The following GFRAL variants were observed in gnomAD, a reference collection of about 807,000 sequenced individuals.
GFRAL encodes GDNF family receptor alpha like.
GFRAL carries 36 observed loss-of-function variants against 45.4 expected under a neutral mutation model. That is an observed-to-expected ratio of 0.79 (90% CI 0.61 to 1.05). The LOEUF (loss-of-function observed/expected upper bound fraction) is 1.05. Ranked by LOEUF, GFRAL falls within the 50% of genes least tolerant of loss-of-function variation. The probability of loss-of-function intolerance (pLI) is 0.00; values close to 1 mark genes in which losing one functional copy is unlikely to be tolerated. For synonymous variants in GFRAL, 166 were observed against 154.1 expected, an observed-to-expected ratio of 1.08 and a Z score of -0.57; for missense variants, 507 against 467.5, an observed-to-expected ratio of 1.08 and a Z score of -0.78.
chr6:55,392,018 C>A (rs1209269901), intron 6 of GFRAL, among the ~76,000 whole-genome samples: 2 of 152,130 alleles, frequency 1.3e-5, no homozygotes, highest in Non-Finnish European at 2.9e-5. Flanking sequence ...ATGAAACCAA[C>A]CTATATACCA....
At chr6:55,361,246 C>G (rs1768271695) in intron 6 of GFRAL, among the ~76,000 whole-genome samples, 1 of 151,926 alleles carries the variant, frequency 6.6e-6, no homozygotes, top group Non-Finnish European at 1.5e-5. Flanking sequence ...ACCTCAAAGG[C>G]CTTTGGTCAC....
intron 3 of GFRAL, among the ~76,000 whole-genome samples, chr6:55,343,945 A>G (rs1222850151): frequency 6.6e-6 from 1 of 152,230 alleles, no homozygotes; most frequent in African/African-American, 2.4e-5. Context: ...CAAGAAATGG[A>G]TAAATTCCTG....
At chr6:55,336,023 CA>C (rs1471110832) in intron 3 of GFRAL, among the ~76,000 whole-genome samples, 1 of 152,126 alleles carries the variant, frequency 6.6e-6, no homozygotes, top group Non-Finnish European at 1.5e-5. Flanking sequence ...TCACTCAGTG[CA>C]GCCTCTACCT....
intron 3 of GFRAL, among the ~76,000 whole-genome samples, chr6:55,346,554 AG>A (rs1554187908): frequency 6.6e-6 from 1 of 151,538 alleles, no homozygotes; most frequent in African/African-American, 2.4e-5. Flanking sequence ...GGGTGGTAGG[AG>A]GGGGGAGGGA....
At chr6:55,398,717 T>C (rs1049157382) in intron 6 of GFRAL, among the ~76,000 whole-genome samples, 1 of 151,846 alleles carries the variant, frequency 6.6e-6, no homozygotes, top group African/African-American at 2.4e-5. Flanking sequence ...GAGGCAAAAA[T>C]AGGTAACAGG....
intron 6 of GFRAL, among the ~76,000 whole-genome samples, chr6:55,380,903 T>C (rs1210261920): frequency 6.6e-6 from 1 of 151,994 alleles, no homozygotes; most frequent in Non-Finnish European, 1.5e-5. Flanking sequence ...TCTTTATGTT[T>C]CCACTCAAGC....
At chr6:55,392,759 A>G (rs373721010) in intron 6 of GFRAL, among the ~76,000 whole-genome samples, 1 of 152,142 alleles carries the variant, frequency 6.6e-6, no homozygotes, top group African/African-American at 2.4e-5. Flanking sequence ...AGGATTAAAA[A>G]AATAACTAAT....
intron 3 of GFRAL, among the ~76,000 whole-genome samples, chr6:55,346,664 A>C (rs1768046205): frequency 1.3e-5 from 2 of 152,172 alleles, no homozygotes; most frequent in Admixed American, 1.3e-4. Context: ...CACGTTGTGC[A>C]CATGTACCCT....
chr6:55,359,707 A>G (rs1396288768), intron 6 of GFRAL, among the ~76,000 whole-genome samples: 5 of 151,980 alleles, frequency 3.3e-5, no homozygotes, highest in African/African-American at 1.2e-4. Flanking sequence ...CTTCAGCAAT[A>G]TAGCCAAAAA....
At chr6:55,382,449 T>C (rs892385633) in intron 6 of GFRAL, among the ~76,000 whole-genome samples, 3 of 152,004 alleles carry the variant, frequency 2.0e-5, no homozygotes, top group Non-Finnish European at 4.4e-5. Flanking sequence ...TTTTATGCTA[T>C]TTAATATATA....
At chr6:55,371,824 C>T (rs1220184976) in intron 6 of GFRAL, among the ~76,000 whole-genome samples, 1 of 152,132 alleles carries the variant, frequency 6.6e-6, no homozygotes, top group Non-Finnish European at 1.5e-5. Flanking sequence ...ATTCAAGAAT[C>T]TCTATTTGTA....
chr6:55,359,860 T>A (rs914919277), intron 6 of GFRAL, among the ~76,000 whole-genome samples: 2 of 151,946 alleles, frequency 1.3e-5, no homozygotes, highest in Admixed American at 6.6e-5. Flanking sequence ...GGGAGTGGAC[T>A]ACATAAGGAT....
At chr6:55,355,565 T>G (rs1039105116) in intron 5 of GFRAL, among the ~76,000 whole-genome samples, 1 of 152,082 alleles carries the variant, frequency 6.6e-6, no homozygotes, top group East Asian at 1.9e-4. Context: ...GATTTTTGTA[T>G]GTTAATTTTA....
chr6:55,382,448 A>C (rs1768623213), intron 6 of GFRAL, among the ~76,000 whole-genome samples: 1 of 152,070 alleles, frequency 6.6e-6, no homozygotes, highest in African/African-American at 2.4e-5. Context: ...GTTTTATGCT[A>C]TTTAATATAT....
intron 6 of GFRAL, among the ~76,000 whole-genome samples, chr6:55,387,241 C>T (rs1202488001): frequency 6.6e-6 from 1 of 152,148 alleles, no homozygotes; most frequent in Non-Finnish European, 1.5e-5. Flanking sequence ...ACAATAACAG[C>T]CTTCAGTACA....
intron 6 of GFRAL, among the ~76,000 whole-genome samples, chr6:55,373,683 AATTT>A (rs1169189404): frequency 6.6e-6 from 1 of 152,138 alleles, no homozygotes; most frequent in Non-Finnish European, 1.5e-5. Flanking sequence ...TCATTGAATC[AATTT>A]ATTTAACTTA....
In GFRAL at chr6:55,331,767, A is replaced by G. The variant is rs371119237; in HGVS notation, c.75A>G (p.Thr25=). 21 of 1,611,028 alleles carry G rather than the reference A, an allele frequency of 1.3e-5. No individual in the cohort carries two copies. The highest frequency in any genetic ancestry group is 1.7e-5 in the Non-Finnish European group (20 of 1,178,290). ...ACACTTCCCAAACCAATAATTGCAC[A>G]TATTTAAGAGAGCAATGCTTACGTG... ...NEYTSQTNNC[T]YLREQCLRDA... is the part of the protein sequence containing the mutation. Residue 25 remains threonine (T), a synonymous_variant, in exon 2 of 9, where the codon ACA becomes ACG. Coordinates refer to ENST00000340465, the MANE Select transcript of GFRAL (RefSeq NM_207410.2).
chr6:55,351,858 A>T (rs1406031278), intron 5 of GFRAL, among the ~76,000 whole-genome samples: 3 of 152,126 alleles, frequency 2.0e-5, no homozygotes, highest in Non-Finnish European at 4.4e-5. Context: ...TTCAAGTTAG[A>T]CTAATGAATT....
intron 6 of GFRAL, among the ~76,000 whole-genome samples, chr6:55,380,247 C>A (rs1210502766): frequency 6.6e-6 from 1 of 151,858 alleles, no homozygotes; most frequent in Non-Finnish European, 1.5e-5. Flanking sequence ...CAACAGTGTG[C>A]TAGGGGTTTC....
Sources: allele counts gnomAD v4.1 joint callset (sites outside exome capture counted in the v4.1 genomes callset), GRCh38; gene constraint gnomAD v4.1.1; transcripts MANE v1.5; gene names NCBI Gene and HGNC (gene_info 2026-07-23, HGNC 2026-07-21).